HDHD2: variants seen among roughly 807,000 people sequenced by gnomAD.
The protein encoded by HDHD2 is haloacid dehalogenase-like hydrolase domain-containing protein 2.
A neutral mutation model predicts 24.8 loss-of-function variants in HDHD2; 26 were observed. The ratio of observed to expected loss-of-function variants is 1.05; its 90% CI spans 0.77 to 1.45. The LOEUF is 1.45. Ranked by LOEUF, HDHD2 falls within the 40% of genes most tolerant of loss-of-function variation. HDHD2 has a pLI of 0.00. For missense variants in HDHD2, 299 were observed against 313.4 expected, an observed-to-expected ratio of 0.95 and a Z score of 0.35; for synonymous variants, 128 against 114.9, an observed-to-expected ratio of 1.11 and a Z score of -0.73.
In HDHD2 at chr18:47,138,587, ATAAGT is replaced by A. The variant is rs149144325; in HGVS notation, c.-10-2143_-10-2139del. On this transcript the variant is annotated intron_variant, in intron 1 of 6. Transcript: ENST00000300605. ...TTTCAACATAAAAAGTTTGAGAAAA[ATAAGT>A]TAATAGGAGATTTCTTATCAAAGTG... Among the ~76,000 whole-genome samples, 107 of 152,364 alleles carry A rather than the reference ATAAGT, an allele frequency of 7.0e-4. 1 individual carries two copies. In the East Asian group the frequency reaches 0.015, roughly 21 times the overall value.
intron 4 of HDHD2, among the ~76,000 whole-genome samples, chr18:47,128,140 C>T (rs1438867954): frequency 6.6e-6 from 1 of 152,160 alleles, no homozygotes; most frequent in Non-Finnish European, 1.5e-5. Flanking sequence ...TATAAGTGCA[C>T]TGTAATGTTT....
Position 47,134,556 on chromosome 18 carries a change from C to T in HDHD2, c.250G>A (p.Glu84Lys). 6.2e-7 allele frequency: 1 copy of T among 1,614,102 alleles called. No individual in the cohort carries two copies. Among genetic ancestry groups the T allele is most frequent in the Non-Finnish European group, 8.5e-7 (1 of 1,179,994 alleles). Residue 84 changes from glutamate to lysine, a missense_variant, in exon 3 of 7, where the codon GAG becomes AAG. Coordinates refer to ENST00000300605, the MANE Select transcript of HDHD2 (RefSeq NM_032124.5). The stretch of plus-strand genomic sequence containing the variant: ...AGCATGGGTCTGACTTGTTTCCGCT[C>T]TAGTAAACTTCTGGCTGCAGTCAGA... ...TSLTAARSLL[E>K]RKQVRPMLLV...
intron 4 of HDHD2, among the ~76,000 whole-genome samples, chr18:47,119,717 T>C (rs533460095): frequency 1.3e-5 from 2 of 152,344 alleles, no homozygotes; most frequent in African/African-American, 4.8e-5. Context: ...ATCTAGAATG[T>C]TGAATCCTTT....
chr18:47,133,927 G>C, intron 3 of HDHD2, among the ~76,000 whole-genome samples: 1 of 152,112 alleles, frequency 6.6e-6, no homozygotes. Flanking sequence ...TCTGTAGGTT[G>C]CCTGTTCACT....
intron 1 of HDHD2, among the ~76,000 whole-genome samples, chr18:47,145,741 A>G (rs2063863185): frequency 6.6e-6 from 1 of 152,230 alleles, no homozygotes; most frequent in African/African-American, 2.4e-5. Context: ...AAAAGCACAA[A>G]CCATTGAAGA....
intron 4 of HDHD2, among the ~76,000 whole-genome samples, 181 bp from the exon 5 acceptor site, chr18:47,115,529 C>G (rs2063552078): frequency 6.8e-6 from 1 of 146,820 alleles, no homozygotes; most frequent in South Asian, 2.3e-4. Context: ...GAATTACACT[C>G]AGATACACTA....
intron 1 of HDHD2, among the ~76,000 whole-genome samples, chr18:47,143,329 G>A (rs561377255): frequency 6.6e-6 from 1 of 152,080 alleles, no homozygotes; most frequent in East Asian, 1.9e-4. Flanking sequence ...GGTGGCGTGT[G>A]CCTGTAGTCT....
intron 3 of HDHD2, among the ~76,000 whole-genome samples, chr18:47,130,819 C>T (rs1302526010): frequency 1.3e-5 from 2 of 152,186 alleles, no homozygotes; most frequent in Admixed American, 1.3e-4. Context: ...ATATGAAATG[C>T]ACTGCAGAGT....
At chr18:47,131,261 G>A (rs1427138925) in intron 3 of HDHD2, among the ~76,000 whole-genome samples, 1 of 152,130 alleles carries the variant, frequency 6.6e-6, no homozygotes, top group African/African-American at 2.4e-5. Context: ...ACAGATGTGA[G>A]CCACCACACC....
In HDHD2 at chr18:47,108,543, T is replaced by C; in HGVS notation, c.*139A>G. The C allele has an allele frequency of 2.0e-6, 1 of 497,166 alleles. No homozygotes were observed. Among genetic ancestry groups the C allele is most frequent in the Non-Finnish European group, 3.5e-6 (1 of 284,284 alleles). The allele number at this position is 497,166 out of a possible 1,614,324, so 30.8% of individuals were successfully genotyped here. A position where few individuals can be genotyped will look rare whatever the true frequency, so the allele number is the denominator to read the frequency against. Reference sequence around the variant, plus strand: ...AGCCGCAATTCAATACCTTTCTTTCTAATTAATGCACAACAAAAGAGGGTT... The same window carrying C: ...AGCCGCAATTCAATACCTTTCTTTCCAATTAATGCACAACAAAAGAGGGTT... On this transcript the variant is annotated 3_prime_UTR_variant, in exon 7 of 7. Coordinates refer to ENST00000300605, the MANE Select transcript of HDHD2 (RefSeq NM_032124.5).
At chr18:47,146,283 CA>C (rs921558556) in intron 1 of HDHD2, among the ~76,000 whole-genome samples, 1 of 149,724 alleles carries the variant, frequency 6.7e-6, no homozygotes, top group Non-Finnish European at 1.5e-5. Context: ...TGAAGATACT[CA>C]AAGCTCATTG....
intron 6 of HDHD2, among the ~76,000 whole-genome samples, chr18:47,112,532 G>A (rs1424366860): frequency 6.6e-6 from 1 of 152,208 alleles, no homozygotes; most frequent in Non-Finnish European, 1.5e-5. Context: ...AGAAAAAAGA[G>A]TTTTTCAAAT....
At chr18:47,143,431 A>C (rs1006362966) in intron 1 of HDHD2, among the ~76,000 whole-genome samples, 1 of 152,196 alleles carries the variant, frequency 6.6e-6, no homozygotes, top group Non-Finnish European at 1.5e-5. Context: ...ATATCCCTAA[A>C]ACACACACAT....
intron 4 of HDHD2, among the ~76,000 whole-genome samples, chr18:47,125,930 A>G (rs1020073003): frequency 4.6e-5 from 7 of 152,334 alleles, no homozygotes; most frequent in Admixed American, 2.0e-4. Context: ...TTGTTCACGT[A>G]AACAAATCAT....
At chr18:47,119,659 T>G (rs550542895) in intron 4 of HDHD2, among the ~76,000 whole-genome samples, 1 of 152,348 alleles carries the variant, frequency 6.6e-6, no homozygotes, top group African/African-American at 2.4e-5. Flanking sequence ...AAACTCCTGT[T>G]GATGTTGACA....
intron 4 of HDHD2, among the ~76,000 whole-genome samples, chr18:47,124,795 A>AT (rs2063642524): frequency 6.6e-6 from 1 of 151,888 alleles, no homozygotes. Flanking sequence ...GAATGGGTGC[A>AT]TCACAACAAA....
intron 4 of HDHD2, among the ~76,000 whole-genome samples, chr18:47,124,126 ACTT>A (rs2063633811): frequency 1.3e-5 from 2 of 152,244 alleles, no homozygotes; most frequent in African/African-American, 2.4e-5. Context: ...ATAAAAATGA[ACTT>A]CTATTTCACA....
intron 4 of HDHD2, among the ~76,000 whole-genome samples, chr18:47,118,496 C>T (rs1167607611): frequency 6.6e-5 from 10 of 152,094 alleles, no homozygotes; most frequent in Non-Finnish European, 1.5e-4. Context: ...AAACCAAACA[C>T]TACATGTTCT....
At chr18:47,112,851 T>C in intron 6 of HDHD2, 126 bp downstream of exon 6, 1 of 736,672 alleles carries the variant, frequency 1.4e-6, no homozygotes, top group Non-Finnish European at 2.3e-6. Context: ...CTGTTTTATT[T>C]TTGCTTTGTG....
Sources: gnomAD v4.1 joint callset for allele counts (sites outside exome capture counted in the v4.1 genomes callset) on GRCh38, gnomAD v4.1.1 for gene constraint, MANE v1.5 for transcripts, NCBI Gene and HGNC (gene_info 2026-07-23, HGNC 2026-07-21) for gene names.